The following TENM3 variants were observed in gnomAD, a reference collection of about 807,000 sequenced individuals.
TENM3 encodes the protein teneurin transmembrane protein 3.
TENM3 carries 63 observed loss-of-function variants against 255.1 expected under a neutral mutation model. The observed-to-expected ratio is 0.25, with a 90% CI of 0.20 to 0.30. TENM3 has a LOEUF of 0.30. TENM3 is among the 10% of genes least tolerant of loss of function. The pLI is 1.00. For synonymous variants in TENM3, 1,306 were observed against 1,322.3 expected, an observed-to-expected ratio of 0.99 and a Z score of 0.27; for missense variants, 2,929 against 3,461.1, an observed-to-expected ratio of 0.85 and a Z score of 3.86.
At chr4:181,735,151 C>T in the TENM3 span, among the ~76,000 whole-genome samples, 1 of 151,884 alleles carries the variant, frequency 6.6e-6, no homozygotes, top group African/African-American at 2.4e-5. Context: ...GTGGCTTTAC[C>T]TCTACAGTTA....
the TENM3 span, among the ~76,000 whole-genome samples, chr4:181,799,793 C>T: frequency 5.2e-4 from 79 of 152,174 alleles, no homozygotes; most frequent in Non-Finnish European, 9.0e-4. Context: ...AGCTCTAGTG[C>T]GGCATCTTTG....
chr4:182,768,476 A>G (rs17074042), intron 22 of TENM3, among the ~76,000 whole-genome samples: 9,727 of 152,252 alleles, frequency 0.064, 468 homozygotes, highest in East Asian at 0.16. Flanking sequence ...GGTGTTTCAG[A>G]TTGATTTGGT....
chr4:182,729,750 G>A (rs1434500189), intron 14 of TENM3, among the ~76,000 whole-genome samples: 1 of 152,186 alleles, frequency 6.6e-6, no homozygotes, highest in African/African-American at 2.4e-5. Flanking sequence ...TGCAGTTATA[G>A]CCAGCAGTTG....
At chr4:182,100,446 A>ATAT in the TENM3 span, among the ~76,000 whole-genome samples, 38 of 85,918 alleles carry the variant, frequency 4.4e-4, no homozygotes, top group Admixed American at 2.9e-3. Flanking sequence ...CGTAAAAAAA[A>ATAT]AAATATATAT....
chr4:182,047,448 G>A, the TENM3 span, among the ~76,000 whole-genome samples: 196 of 150,138 alleles, frequency 1.3e-3, no homozygotes, highest in African/African-American at 4.7e-3. Context: ...TGTAGTCTCA[G>A]CTACTCAGGA....
At chr4:181,833,716 CTT>C in the TENM3 span, among the ~76,000 whole-genome samples, 7 of 148,838 alleles carry the variant, frequency 4.7e-5, no homozygotes, top group Non-Finnish European at 7.5e-5. Flanking sequence ...TCTCTGGAAA[CTT>C]TTTTTTTTTG....
At chr4:181,551,836 ATATGTG>A in the TENM3 span, among the ~76,000 whole-genome samples, 21 of 20,406 alleles carry the variant, frequency 1.0e-3, no homozygotes, top group East Asian at 3.5e-3. Context: ...ATATATATGT[ATATGTG>A]TGTGTGTGTG....
intron 3 of TENM3, among the ~76,000 whole-genome samples, chr4:182,555,341 A>G (rs181186407): frequency 1.3e-5 from 2 of 152,308 alleles, no homozygotes; most frequent in African/African-American, 2.4e-5. Flanking sequence ...GAACTGTAAT[A>G]CTATGTAAGT....
chr4:181,535,812 C>T, the TENM3 span, among the ~76,000 whole-genome samples: 5 of 152,282 alleles, frequency 3.3e-5, no homozygotes, highest in Admixed American at 3.3e-4. Context: ...CCTTAGATGT[C>T]ATTCAAAGAT....
the TENM3 span, among the ~76,000 whole-genome samples, chr4:181,776,067 T>G: frequency 6.6e-6 from 1 of 152,094 alleles, no homozygotes; most frequent in African/African-American, 2.4e-5. Context: ...ACCTCTCTTA[T>G]CCACCTCCCC....
chr4:182,134,146 A>G, the TENM3 span, among the ~76,000 whole-genome samples: 3 of 152,200 alleles, frequency 2.0e-5, no homozygotes, highest in Non-Finnish European at 4.4e-5. Flanking sequence ...GAACCTCTTT[A>G]TTATCAACAT....
chr4:181,583,973 C>A, the TENM3 span, among the ~76,000 whole-genome samples: 1 of 152,162 alleles, frequency 6.6e-6, no homozygotes, highest in East Asian at 1.9e-4. Context: ...AAGCAGTTAT[C>A]CATGTATAAA....
chr4:181,856,129 G>GGGAAAGAAGGAAGGA, the TENM3 span, among the ~76,000 whole-genome samples: 14 of 137,566 alleles, frequency 1.0e-4, no homozygotes, highest in Non-Finnish European at 1.7e-4. Context: ...AGGAAGGAAA[G>GGGAAAGAAGGAAGGA]AAGGAAGAAG....
the TENM3 span, among the ~76,000 whole-genome samples, chr4:181,670,074 G>GA: frequency 6.6e-6 from 1 of 152,058 alleles, no homozygotes; most frequent in Admixed American, 6.6e-5. Context: ...TCTTAGCCAA[G>GA]AAAAAATGTA....
chr4:182,085,624 C>T, the TENM3 span, among the ~76,000 whole-genome samples: 7 of 151,990 alleles, frequency 4.6e-5, no homozygotes, highest in African/African-American at 1.7e-4. Flanking sequence ...ATTACAGTGT[C>T]TTGGTATCTG....
rs1737011668 is a variant in TENM3 at position 182,507,991 on chromosome 4, G to A, written c.512-92933G>A. Among the ~76,000 whole-genome samples the A allele has an allele frequency of 2.6e-5, 4 of 152,138 alleles. 1 individual carries two copies. The highest frequency in any genetic ancestry group is 4.1e-4 in the South Asian group (2 of 4,822). On this transcript the variant is annotated intron_variant, in intron 3 of 27. Coordinates refer to ENST00000511685, the MANE Select transcript of TENM3 (RefSeq NM_001080477.4). ...AGCAGATGGTTGCTGTCCCCCGAGT[G>A]GTTCATACTCAGGCTCTGGTATCAG...
At chr4:181,935,462 T>C in the TENM3 span, among the ~76,000 whole-genome samples, 1 of 152,258 alleles carries the variant, frequency 6.6e-6, no homozygotes, top group African/African-American at 2.4e-5. Context: ...TGCTACTTTC[T>C]AGAGGATGTC....
At chr4:182,443,024 G>T (rs1404501158) in intron 3 of TENM3, among the ~76,000 whole-genome samples, 1 of 151,966 alleles carries the variant, frequency 6.6e-6, no homozygotes, top group Non-Finnish European at 1.5e-5. Flanking sequence ...TGTCTGGCCT[G>T]AGAACCAACA....
chr4:181,863,463 C>T, the TENM3 span, among the ~76,000 whole-genome samples: 1 of 152,214 alleles, frequency 6.6e-6, no homozygotes, highest in South Asian at 2.1e-4. Context: ...GTAGAAAATG[C>T]ATTTCTAGTA....
Sources: gnomAD v4.1 joint callset for allele counts (sites outside exome capture counted in the v4.1 genomes callset) on GRCh38, gnomAD v4.1.1 for gene constraint, MANE v1.5 for transcripts, NCBI Gene and HGNC (gene_info 2026-07-23, HGNC 2026-07-21) for gene names.